SYNPR: variants seen among roughly 807,000 people sequenced by gnomAD.
SYNPR encodes synaptoporin.
In SYNPR, 23 loss-of-function variants were observed where a neutral mutation model predicts 32.9. The observed-to-expected ratio is 0.70, with a 90% CI of 0.50 to 0.99. The LOEUF (loss-of-function observed/expected upper bound fraction) is 0.99. Ranked by LOEUF, SYNPR falls within the 50% of genes least tolerant of loss-of-function variation. The pLI is 0.00. For missense variants in SYNPR, 318 were observed against 349.3 expected (o/e 0.91, Z 0.71); for synonymous variants, 146 against 135.9 (o/e 1.07, Z -0.52).
chr3:63,538,093 A>G (rs1702240291), intron 3 of SYNPR, among the ~76,000 whole-genome samples: 1 of 152,126 alleles, frequency 6.6e-6, no homozygotes, highest in Non-Finnish European at 1.5e-5. Context: ...GGTTTGAAAC[A>G]TTTGAATGGG....
intron 5 of SYNPR, among the ~76,000 whole-genome samples, chr3:63,614,047 C>T (rs539814976): frequency 3.5e-3 from 171 of 48,386 alleles, no homozygotes; most frequent in African/African-American, 0.01. Flanking sequence ...CCACTACCCA[C>T]AGGCCACTGT....
At chr3:63,585,352 T>G (rs1703165264) in intron 4 of SYNPR, among the ~76,000 whole-genome samples, 1 of 152,020 alleles carries the variant, frequency 6.6e-6, no homozygotes, top group South Asian at 2.1e-4. Flanking sequence ...TGGGAGGGAT[T>G]GGACAGAAGT....
chr3:63,434,471 C>A (rs1575641861), intron 2 of SYNPR, among the ~76,000 whole-genome samples: 1 of 152,202 alleles, frequency 6.6e-6, no homozygotes, highest in Non-Finnish European at 1.5e-5. Flanking sequence ...TGACACCCCC[C>A]CTTCATGGGG....
At chr3:63,576,531 C>T (rs755941240) in intron 4 of SYNPR, among the ~76,000 whole-genome samples, 1 of 152,078 alleles carries the variant, frequency 6.6e-6, no homozygotes, top group Non-Finnish European at 1.5e-5. Context: ...GTGACTCACA[C>T]CTGTAATCCC....
chr3:63,257,246 A>G (rs2086392642), intron 2 of SYNPR, among the ~76,000 whole-genome samples: 1 of 152,192 alleles, frequency 6.6e-6, no homozygotes, highest in South Asian at 2.1e-4. Context: ...CGAGAAGAGT[A>G]ACTCCAAGAC....
intron 4 of SYNPR, among the ~76,000 whole-genome samples, chr3:63,596,891 A>G (rs1156419064): frequency 6.6e-6 from 1 of 151,458 alleles, no homozygotes; most frequent in African/African-American, 2.5e-5. Context: ...AGCACTAGTA[A>G]CATGTGGTTA....
At chr3:63,438,625 A>G (rs1700122560) in intron 2 of SYNPR, among the ~76,000 whole-genome samples, 1 of 152,248 alleles carries the variant, frequency 6.6e-6, no homozygotes, top group South Asian at 2.1e-4. Flanking sequence ...ACTTTCTCTT[A>G]CAAGGAAAAT....
chr3:63,543,319 A>T (rs1702340307), intron 3 of SYNPR, among the ~76,000 whole-genome samples: 1 of 152,184 alleles, frequency 6.6e-6, no homozygotes, highest in African/African-American at 2.4e-5. Context: ...ATTTCTAGGA[A>T]GCCAAACAAA....
chr3:63,371,082 A>T (rs2087806133), intron 2 of SYNPR, among the ~76,000 whole-genome samples: 1 of 152,044 alleles, frequency 6.6e-6, no homozygotes. Flanking sequence ...GAAAGAGAGG[A>T]ATGAGACAAG....
intron 2 of SYNPR, among the ~76,000 whole-genome samples, chr3:63,312,661 G>A (rs1320605403): frequency 6.6e-6 from 1 of 151,942 alleles, no homozygotes. Flanking sequence ...AATGGAATAA[G>A]CTCCTTATCC....
chr3:63,556,729 G>T lies in SYNPR; in HGVS notation c.396G>T (p.Arg132=). ...FFQNKYRENN[R]GPLIDFIVTV... ...AGAACAAATACCGGGAAAACAACCG[G>T]GGCCCACTCATTGTAAGTGGTTTTC... is the stretch of plus-strand genomic sequence containing the variant. Residue 132 remains arginine, a synonymous_variant, in exon 4 of 6, where the codon CGG becomes CGT. Coordinates refer to ENST00000478300, the MANE Select transcript of SYNPR (RefSeq NM_001130003.2). 6.2e-7 allele frequency: 1 copy of T among 1,611,758 alleles called. No homozygotes were observed. The highest frequency in any genetic ancestry group is 8.5e-7 in the Non-Finnish European group (1 of 1,179,144).
intron 2 of SYNPR, among the ~76,000 whole-genome samples, chr3:63,398,065 C>A (rs947773032): frequency 6.6e-6 from 1 of 152,118 alleles, no homozygotes; most frequent in African/African-American, 2.4e-5. Flanking sequence ...AGAGGGTGAA[C>A]CTTTTAGAAG....
Position 63,356,479 on chromosome 3 carries a change from G to A in SYNPR, c.84+77737G>A, listed in dbSNP as rs182795047. Among the ~76,000 whole-genome samples, 12 of 152,340 alleles carry A rather than the reference G, an allele frequency of 7.9e-5. No homozygotes were observed. In the East Asian group the frequency reaches 2.3e-3, roughly 29 times the overall value. ...ACAATGACCCTATTAAGATTCTGTT[G>A]TCATTACCTCTGTTACAGATGAGGG... On this transcript the variant is annotated intron_variant, in intron 2 of 5. Coordinates refer to ENST00000478300, the MANE Select transcript of SYNPR (RefSeq NM_001130003.2).
At chr3:63,319,888 T>C (rs928785162) in intron 2 of SYNPR, among the ~76,000 whole-genome samples, 1 of 152,032 alleles carries the variant, frequency 6.6e-6, no homozygotes, top group Admixed American at 6.6e-5. Context: ...AGAATGGAGG[T>C]TGCTTTTTCT....
chr3:63,500,591 T>C (rs1480509278), intron 3 of SYNPR, among the ~76,000 whole-genome samples: 2 of 152,228 alleles, frequency 1.3e-5, no homozygotes, highest in Non-Finnish European at 2.9e-5. Flanking sequence ...GTAATGATCA[T>C]ACAGTGGCTT....
At chr3:63,207,107 A>G in the SYNPR span, among the ~76,000 whole-genome samples, 1 of 152,180 alleles carries the variant, frequency 6.6e-6, no homozygotes, top group African/African-American at 2.4e-5. Context: ...AAGGAATTAT[A>G]CTTAGTTCTT....
At chr3:63,533,592 C>T (rs1335963284) in intron 3 of SYNPR, among the ~76,000 whole-genome samples, 1 of 152,030 alleles carries the variant, frequency 6.6e-6, no homozygotes, top group Non-Finnish European at 1.5e-5. Context: ...AAGACATTCA[C>T]ATAATGAAAG....
chr3:63,588,148 G>T (rs1241598451), intron 4 of SYNPR, among the ~76,000 whole-genome samples: 1 of 152,032 alleles, frequency 6.6e-6, no homozygotes, highest in Non-Finnish European at 1.5e-5. Context: ...GTGTCTGTTT[G>T]TGTGATATCA....
intron 4 of SYNPR, among the ~76,000 whole-genome samples, chr3:63,570,737 A>G (rs906664306): frequency 1.3e-5 from 2 of 152,122 alleles, no homozygotes; most frequent in East Asian, 1.9e-4. Flanking sequence ...GTGCAAATCC[A>G]TTATTACCTT....
Sources: gnomAD v4.1 joint callset for allele counts (sites outside exome capture counted in the v4.1 genomes callset) on GRCh38, gnomAD v4.1.1 for gene constraint, MANE v1.5 for transcripts, NCBI Gene and HGNC (gene_info 2026-07-23, HGNC 2026-07-21) for gene names.